Variants in ASCC3 observed in about 807,000 individuals in gnomAD.
ASCC3 encodes activating signal cointegrator 1 complex subunit 3.
Under a neutral mutation model 256.3 loss-of-function variants are expected in ASCC3, and 158 were observed. The ratio of observed to expected loss-of-function variants is 0.62; its 90% confidence interval spans 0.54 to 0.70. The LOEUF (loss-of-function observed/expected upper bound fraction) is 0.70, where lower values mean the gene tolerates loss of function less well. Among genes scored for constraint, ASCC3 ranks in the 30% least tolerant of loss-of-function variants. ASCC3 has a pLI of 0.00. For synonymous variants in ASCC3, 948 were observed against 883.4 expected (o/e 1.07, Z -1.30); for missense variants, 2,259 against 2,626.0 (o/e 0.86, Z 3.05).
At chr6:100,718,279 G>C (rs375009500) in intron 11 of ASCC3, 28 bp from the exon 12 acceptor site, 71 of 1,530,776 alleles carry the variant, frequency 4.6e-5, no homozygotes, top group Non-Finnish European at 5.2e-5. Context: ...ATTAAATATG[G>C]GTTATTTAAA....
At chr6:100,600,029 G>C (rs1042207441) in intron 34 of ASCC3, among the ~76,000 whole-genome samples, 1 of 152,078 alleles carries the variant, frequency 6.6e-6, no homozygotes, top group Non-Finnish European at 1.5e-5. Context: ...GCTCAGAGAG[G>C]TAAAGTGACT....
chr6:100,516,978 C>A (rs1209425202), intron 38 of ASCC3, among the ~76,000 whole-genome samples: 1 of 152,028 alleles, frequency 6.6e-6, no homozygotes. Context: ...TGAAACCCTA[C>A]TCCCATAACT....
At chr6:100,591,083 T>C (rs1426457715) in intron 34 of ASCC3, among the ~76,000 whole-genome samples, 2 of 152,116 alleles carry the variant, frequency 1.3e-5, no homozygotes, top group Admixed American at 6.6e-5. Flanking sequence ...CTGCTTTTTC[T>C]AGAAAAGCTC....
intron 37 of ASCC3, among the ~76,000 whole-genome samples, chr6:100,539,657 T>C (rs557029581): frequency 6.6e-6 from 1 of 152,316 alleles, no homozygotes; most frequent in South Asian, 2.1e-4. Context: ...CACTCTCTTC[T>C]TTCATTTTTA....
At chr6:100,605,981 T>C (rs539994950) in intron 32 of ASCC3, among the ~76,000 whole-genome samples, 33 of 152,098 alleles carry the variant, frequency 2.2e-4, no homozygotes, top group African/African-American at 5.5e-4. Context: ...AAATTCCCTT[T>C]AGTGGAATGC....
chr6:100,697,988 T>G (rs1046187283), intron 13 of ASCC3, among the ~76,000 whole-genome samples: 2 of 152,140 alleles, frequency 1.3e-5, no homozygotes, highest in Non-Finnish European at 2.9e-5. Flanking sequence ...ACTGTGCTCT[T>G]TCAGTTTGTG....
intron 30 of ASCC3, among the ~76,000 whole-genome samples, chr6:100,618,761 T>C (rs1326296539): frequency 3.9e-5 from 6 of 152,192 alleles, no homozygotes; most frequent in African/African-American, 1.4e-4. Flanking sequence ...GAGACACGTA[T>C]TCATCTCTGT....
intron 13 of ASCC3, among the ~76,000 whole-genome samples, chr6:100,692,035 T>C (rs1008437148): frequency 6.6e-6 from 1 of 152,090 alleles, no homozygotes; most frequent in Non-Finnish European, 1.5e-5. Flanking sequence ...CAACGTTTAG[T>C]TGTTTTACAG....
intron 14 of ASCC3, among the ~76,000 whole-genome samples, chr6:100,667,136 G>A (rs2114941288): frequency 6.6e-6 from 1 of 152,234 alleles, no homozygotes; most frequent in East Asian, 1.9e-4. Flanking sequence ...CTAACATTTG[G>A]CAGGGTGCCT....
At chr6:100,586,377 C>T (rs1013540748) in intron 36 of ASCC3, among the ~76,000 whole-genome samples, 3 of 152,196 alleles carry the variant, frequency 2.0e-5, no homozygotes, top group African/African-American at 4.8e-5. Context: ...GGGCGTAGGA[C>T]CCTCCGAGCC....
chr6:100,852,489 A>ATATGT (rs1772731307), intron 3 of ASCC3, among the ~76,000 whole-genome samples: 1 of 152,162 alleles, frequency 6.6e-6, no homozygotes, highest in Non-Finnish European at 1.5e-5. Context: ...CCTTTTGTTC[A>ATATGT]CTTCCCTTTA....
At chr6:100,602,572 C>A (rs1772676126) in intron 33 of ASCC3, among the ~76,000 whole-genome samples, 1 of 151,958 alleles carries the variant, frequency 6.6e-6, no homozygotes, top group South Asian at 2.1e-4. Flanking sequence ...AGGTACAGGA[C>A]ATGGAGCAAG....
intron 30 of ASCC3, among the ~76,000 whole-genome samples, chr6:100,608,258 A>ACTTTT (rs1773096955): frequency 1.6e-5 from 1 of 63,272 alleles, no homozygotes. Flanking sequence ...TATACTTTAT[A>ACTTTT]TATACTTTAT....
chr6:100,860,895 A>G (rs1368842020), intron 3 of ASCC3, among the ~76,000 whole-genome samples: 2 of 152,134 alleles, frequency 1.3e-5, no homozygotes, highest in East Asian at 3.8e-4. Context: ...GTGTCAACTC[A>G]TAAAGGAGTT....
Position 100,605,700 on chromosome 6 carries a change from T to C in ASCC3, c.5045A>G (p.Asp1682Gly). Residue 1682 changes from aspartate (D) to glycine (G), a missense_variant and splice_region_variant, in exon 33 of 42, where the codon GAT becomes GGT. Coordinates refer to ENST00000369162, the MANE Select transcript of ASCC3 (RefSeq NM_006828.4). Reference sequence around the variant, plus strand: ...AGCACGCCCCATCATCTGGAGGACATCTTTAAAAGAGAGAACAAAGAGATA... The same window carrying C: ...AGCACGCCCCATCATCTGGAGGACACCTTTAAAAGAGAGAACAAAGAGATA... The part of the protein sequence containing the change: ...TRRYVDFPIT[D>G]VLQMMGRAGR... The C allele has an allele frequency of 6.2e-7, 1 of 1,613,408 alleles. No homozygotes were observed. The highest frequency in any genetic ancestry group is 8.5e-7 in the Non-Finnish European group (1 of 1,179,540).
chr6:100,642,013 C>T (rs1190555030), intron 24 of ASCC3, among the ~76,000 whole-genome samples: 16 of 75,326 alleles, frequency 2.1e-4, no homozygotes, highest in African/African-American at 4.4e-4. Flanking sequence ...CGGCCTGTTG[C>T]GGAGTGGGGG....
At chr6:100,831,255 A>C (rs1490202062) in intron 4 of ASCC3, among the ~76,000 whole-genome samples, 5 of 151,934 alleles carry the variant, frequency 3.3e-5, no homozygotes, top group Non-Finnish European at 5.9e-5. Context: ...GCCTGCTGAG[A>C]GAACTGGTAT....
chr6:100,806,257 T>C (rs1770175573), intron 4 of ASCC3, among the ~76,000 whole-genome samples: 1 of 151,990 alleles, frequency 6.6e-6, no homozygotes, highest in African/African-American at 2.4e-5. Flanking sequence ...TTCTTACAAC[T>C]ACTATACAAC....
intron 4 of ASCC3, among the ~76,000 whole-genome samples, chr6:100,844,313 G>A (rs11155708): frequency 0.35 from 52,405 of 151,086 alleles, 10,641 homozygotes; most frequent in Middle Eastern, 0.49. Flanking sequence ...GCAGGACTGT[G>A]AAGAAGCTGG....
Sources: allele counts gnomAD v4.1 joint callset (sites outside exome capture counted in the v4.1 genomes callset), GRCh38; gene constraint gnomAD v4.1.1; transcripts MANE v1.5; gene names NCBI Gene and HGNC (gene_info 2026-07-23, HGNC 2026-07-21).